The following DTNA variants were observed in gnomAD, a reference collection of about 807,000 sequenced individuals.
The protein encoded by DTNA is dystrobrevin alpha.
A neutral mutation model predicts 100.7 loss-of-function variants in DTNA; 43 were observed. The observed-to-expected ratio is 0.43, with a 90% CI of 0.33 to 0.55. DTNA has a LOEUF of 0.55. Among genes scored for constraint, DTNA ranks in the 20% least tolerant of loss-of-function variants. The pLI, the probability that DTNA is intolerant of heterozygous loss-of-function variation, is 0.04. For synonymous variants in DTNA, 349 were observed against 347.9 expected (o/e 1.00, Z -0.04); for missense variants, 798 against 953.9 (o/e 0.84, Z 2.15).
At chr18:34,624,921 T>A (rs1392386581) in intron 1 of DTNA, among the ~76,000 whole-genome samples, 1 of 152,208 alleles carries the variant, frequency 6.6e-6, no homozygotes, top group East Asian at 1.9e-4. Context: ...TTGAGTGGAA[T>A]GCAGTGGACT....
chr18:34,571,795 T>C (rs1193441332), intron 1 of DTNA, among the ~76,000 whole-genome samples: 6 of 152,160 alleles, frequency 3.9e-5, no homozygotes, highest in East Asian at 3.8e-4. Flanking sequence ...CAGCTGATGC[T>C]TTTTCAACAT....
At chr18:34,846,136 G>A (rs1215385018) in intron 13 of DTNA, among the ~76,000 whole-genome samples, 3 of 151,990 alleles carry the variant, frequency 2.0e-5, no homozygotes, top group Non-Finnish European at 2.9e-5. Context: ...ACATTTCTTG[G>A]AAGCTTGTTA....
At chr18:34,768,274 A>G (rs1158669735) in intron 3 of DTNA, among the ~76,000 whole-genome samples, 3 of 152,144 alleles carry the variant, frequency 2.0e-5, no homozygotes, top group East Asian at 1.9e-4. Flanking sequence ...GAGATTTCCA[A>G]TAAAAGACTA....
chr18:34,878,619 C>A (rs953397953), intron 19 of DTNA, among the ~76,000 whole-genome samples: 9 of 152,072 alleles, frequency 5.9e-5, no homozygotes. Flanking sequence ...ATTTGGAATG[C>A]CTGATCATTT....
chr18:34,788,960 G>A (rs1461356733), intron 3 of DTNA, among the ~76,000 whole-genome samples: 2 of 152,218 alleles, frequency 1.3e-5, no homozygotes, highest in East Asian at 3.9e-4. Flanking sequence ...GTAAATACAC[G>A]TTCTCTTTTA....
intron 1 of DTNA, among the ~76,000 whole-genome samples, chr18:34,738,304 C>T (rs1039003334): frequency 2.6e-5 from 4 of 152,106 alleles, no homozygotes; most frequent in Non-Finnish European, 5.9e-5. Context: ...AGACACAACA[C>T]GCATGTCTAC....
At chr18:34,785,059 C>T (rs574040765) in intron 3 of DTNA, among the ~76,000 whole-genome samples, 10 of 151,634 alleles carry the variant, frequency 6.6e-5, no homozygotes, top group South Asian at 4.2e-4. Flanking sequence ...GGACTATAGG[C>T]GCCCACCACC....
intron 17 of DTNA, chr18:34,866,003 C>T (rs953804573): frequency 1.4e-5 from 18 of 1,261,470 alleles, no homozygotes; most frequent in African/African-American, 4.4e-5. Context: ...CTGGACCTGC[C>T]GTCAAAGGTG....
At chr18:34,717,183 A>G (rs191281420) in intron 1 of DTNA, among the ~76,000 whole-genome samples, 1 of 152,344 alleles carries the variant, frequency 6.6e-6, no homozygotes, top group African/African-American at 2.4e-5. Flanking sequence ...TACTAGCCAC[A>G]TGTGGCTATT....
At chr18:34,651,066 G>T (rs957137775) in intron 1 of DTNA, among the ~76,000 whole-genome samples, 1 of 152,012 alleles carries the variant, frequency 6.6e-6, no homozygotes, top group Non-Finnish European at 1.5e-5. Context: ...TAGACTTTAC[G>T]TCTTCTTTTC....
intron 1 of DTNA, among the ~76,000 whole-genome samples, chr18:34,677,819 G>A (rs944991184): frequency 1.3e-5 from 2 of 152,096 alleles, no homozygotes; most frequent in African/African-American, 4.8e-5. Context: ...AAAGACTGTT[G>A]GGTCTGAATG....
intron 1 of DTNA, among the ~76,000 whole-genome samples, chr18:34,552,899 G>A (rs1239329128): frequency 7.0e-6 from 1 of 143,090 alleles, no homozygotes; most frequent in Admixed American, 6.8e-5. Context: ...ACCCAGTAAT[G>A]GGATGGCTGG....
chr18:34,779,600 G>T (rs2094223683), intron 3 of DTNA, among the ~76,000 whole-genome samples: 3 of 152,102 alleles, frequency 2.0e-5, no homozygotes, highest in African/African-American at 7.2e-5. Flanking sequence ...ATGTTCAGCA[G>T]TAGCAAGAAA....
intron 1 of DTNA, among the ~76,000 whole-genome samples, chr18:34,520,621 T>G (rs1279048459): frequency 6.6e-6 from 1 of 152,014 alleles, no homozygotes. Context: ...GCCATTGCAC[T>G]CCAGCCTGGG....
At chr18:34,738,199 A>C (rs1438817967) in intron 1 of DTNA, among the ~76,000 whole-genome samples, 1 of 152,206 alleles carries the variant, frequency 6.6e-6, no homozygotes, top group Non-Finnish European at 1.5e-5. Flanking sequence ...GCCACTTTAA[A>C]GATTCGGGAC....
At chr18:34,509,759 T>A (rs2040848594) in intron 1 of DTNA, among the ~76,000 whole-genome samples, 1 of 152,118 alleles carries the variant, frequency 6.6e-6, no homozygotes, top group South Asian at 2.1e-4. Flanking sequence ...ATTTAAGTTT[T>A]TGTTTCTGTT....
At chr18:34,726,079 ACAC>A (rs1390366956) in intron 1 of DTNA, among the ~76,000 whole-genome samples, 1 of 152,136 alleles carries the variant, frequency 6.6e-6, no homozygotes, top group Non-Finnish European at 1.5e-5. Context: ...AGGGAACGTC[ACAC>A]ACCAGAGCCT....
At position 34,765,957 on chromosome 18, in the gene DTNA, C is replaced by T; in HGVS notation, c.68-4C>T. The T allele has an allele frequency of 1.2e-6, 2 of 1,613,666 alleles. No homozygotes were observed. Among genetic ancestry groups the T allele is most frequent in the Non-Finnish European group, 1.7e-6 (2 of 1,179,686 alleles). On this transcript the variant is annotated splice_polypyrimidine_tract_variant and splice_region_variant and intron_variant, in intron 2 of 22. Coordinates refer to ENST00000444659, the MANE Select transcript of DTNA (RefSeq NM_001386795.1). ...ACCTTATGTGTCCTTTTTCCCCGCA[C>T]TAGGGGCTCAAGATCTGGATCGCAT...
At chr18:34,621,057 G>A (rs1268998801) in intron 1 of DTNA, among the ~76,000 whole-genome samples, 2 of 151,594 alleles carry the variant, frequency 1.3e-5, no homozygotes, top group South Asian at 2.1e-4. Context: ...GATAGAATGT[G>A]AACCGTTGAT....
Sources: allele counts gnomAD v4.1 joint callset (sites outside exome capture counted in the v4.1 genomes callset), GRCh38; gene constraint gnomAD v4.1.1; transcripts MANE v1.5; gene names NCBI Gene and HGNC (gene_info 2026-07-23, HGNC 2026-07-21).